Variants in USP25 observed in about 807,000 individuals in gnomAD.
USP25 encodes the protein ubiquitin carboxyl-terminal hydrolase 25.
In USP25, 85 loss-of-function variants were observed where a neutral mutation model predicts 158.5. The ratio of observed to expected loss-of-function variants is 0.54; its 90% confidence interval spans 0.45 to 0.64. USP25 has a LOEUF of 0.64. Ranked by LOEUF, USP25 falls within the 30% of genes least tolerant of loss-of-function variation. The pLI is 0.00. For missense variants in USP25, 1,242 were observed against 1,327.3 expected, an observed-to-expected ratio of 0.94 and a Z score of 1.00; for synonymous variants, 464 against 460.4, an observed-to-expected ratio of 1.01 and a Z score of -0.10.
intron 20 of USP25, among the ~76,000 whole-genome samples, chr21:15,850,105 A>G (rs2038816161): frequency 6.6e-6 from 1 of 152,026 alleles, no homozygotes; most frequent in Admixed American, 6.6e-5. Context: ...GAGTCACTCT[A>G]ATAGTGTGCT....
At chr21:15,878,088 C>A in intron 25 of USP25, 97 bp downstream of exon 25, 1 of 1,060,914 alleles carries the variant, frequency 9.4e-7, no homozygotes, top group Non-Finnish European at 1.3e-6. Flanking sequence ...ATATTAAATA[C>A]AATATTAAGT....
chr21:15,795,947 G>A (rs868633332), intron 5 of USP25, among the ~76,000 whole-genome samples: 1 of 151,344 alleles, frequency 6.6e-6, no homozygotes, highest in Non-Finnish European at 1.5e-5. Flanking sequence ...GGCAGTTTAT[G>A]TTTCATTTCC....
In USP25 at chr21:15,877,884, T is replaced by C; in HGVS notation, c.3098T>C (p.Val1033Ala). The change falls in exon 25 of 26, where the codon GTC (valine) becomes GCC (alanine). Residue 1033 changes from valine to alanine, a missense_variant. By Grantham distance (64) the Val-to-Ala change is moderately conservative. Around this residue, in one of 3 missense-constraint regions of USP25, gnomAD observed 608 missense variants for 605.2 expected, o/e 1.00. Transcript: ENST00000400183. ...TTGATTATCATGAATGAGTTTATTG[T>C]CCCATTTTTGCCATTATTACTGGTG... ...NGLIIMNEFI[V>A]PFLPLLLVDE... 1 of 1,613,470 alleles carries C rather than the reference T, an allele frequency of 6.2e-7. No individual in the cohort carries two copies. The highest frequency in any genetic ancestry group is 8.5e-7 in the Non-Finnish European group (1 of 1,179,572).
chr21:15,872,594 A>G (rs937989165), intron 23 of USP25, among the ~76,000 whole-genome samples: 2 of 152,234 alleles, frequency 1.3e-5, no homozygotes, highest in African/African-American at 4.8e-5. Flanking sequence ...TTTTTCATAA[A>G]TAACATCTTT....
intron 1 of USP25, among the ~76,000 whole-genome samples, chr21:15,731,375 G>C (rs2030880489): frequency 6.6e-6 from 1 of 152,168 alleles, no homozygotes; most frequent in Non-Finnish European, 1.5e-5. Flanking sequence ...TACGGGGACA[G>C]TTAGGGTTTA....
rs928098015 is a variant in USP25, at chr21:15,875,845, A to G, written c.3009+1319A>G. Among the ~76,000 whole-genome samples the G allele has an allele frequency of 1.3e-4, 20 of 152,214 alleles. No homozygotes were observed. Among genetic ancestry groups the G allele is most frequent in the African/African-American group, 4.6e-4 (19 of 41,470 alleles). ...ATGAGTTTGCACCAGTGTAAGTTTG[A>G]TTAGGTTTGGCATAATGAGGTTTGT... On this transcript the variant is annotated intron_variant, in intron 24 of 25. Coordinates refer to ENST00000400183, the MANE Select transcript of USP25 (RefSeq NM_001283041.3). This position sits in a 1 kb window ranked among gnomAD's most constrained non-coding sequence, Gnocchi z 4.7.
At chr21:15,853,239 A>G (rs947295090) in intron 20 of USP25, among the ~76,000 whole-genome samples, 1 of 152,160 alleles carries the variant, frequency 6.6e-6, no homozygotes, top group Non-Finnish European at 1.5e-5. Flanking sequence ...TAAAGTTTAG[A>G]CAGTATCACA....
At position 15,766,736 on chromosome 21, in the gene USP25, A is replaced by T. The variant is rs148081739; in HGVS notation, c.268+595A>T. Among the ~76,000 whole-genome samples, 413 of 152,208 alleles carry T rather than the reference A, an allele frequency of 2.7e-3. 2 individuals are homozygous for T. Among genetic ancestry groups the T allele is most frequent in the African/African-American group, 9.6e-3 (399 of 41,568 alleles). On this transcript the variant is annotated intron_variant, in intron 3 of 25. Coordinates refer to ENST00000400183, the MANE Select transcript of USP25 (RefSeq NM_001283041.3). The surrounding 1 kb of genome is among the most constrained non-coding windows in gnomAD (Gnocchi z 4.0). ...TTCATAATATGAATACTTTATACTT[A>T]TGTAGCGCACAGTTTTTCAAACTAT...
intron 1 of USP25, among the ~76,000 whole-genome samples, chr21:15,743,799 C>T (rs573700224): frequency 8.5e-5 from 13 of 152,146 alleles, no homozygotes; most frequent in African/African-American, 1.9e-4. Context: ...TCTACTGTGG[C>T]GCCTGCCTAG....
At chr21:15,773,603 A>T (rs1024030683) in intron 3 of USP25, among the ~76,000 whole-genome samples, 15 of 152,024 alleles carry the variant, frequency 9.9e-5, no homozygotes, top group African/African-American at 3.4e-4. Context: ...AAAGAAAACC[A>T]TTTTCAATTA....
At chr21:15,780,021 G>A (rs1418753787) in intron 4 of USP25, among the ~76,000 whole-genome samples, 1 of 151,942 alleles carries the variant, frequency 6.6e-6, no homozygotes, top group Non-Finnish European at 1.5e-5. Context: ...TGCTCATATG[G>A]GTTTATTAAG....
intron 4 of USP25, among the ~76,000 whole-genome samples, chr21:15,781,155 C>T (rs184710693): frequency 3.9e-4 from 60 of 152,296 alleles, no homozygotes; most frequent in African/African-American, 1.3e-3. Flanking sequence ...TCGATGTAGT[C>T]AGGCTGTCCG....
rs965517359 is a variant in USP25 at position 15,760,391 on chromosome 21, T to C, written c.46-2500T>C. Among the ~76,000 whole-genome samples, 50 of 152,326 alleles carry C rather than the reference T, an allele frequency of 3.3e-4. 1 individual carries two copies. The highest frequency in any genetic ancestry group is 1.2e-3 in the African/African-American group (48 of 41,562). ...TCCACTTTAAAGACTTGATGTTGGG[T>C]GTCCCTACTAGGTCTGGACTGCCCA... On this transcript the variant is annotated intron_variant, in intron 1 of 25. Coordinates refer to ENST00000400183, the MANE Select transcript of USP25 (RefSeq NM_001283041.3).
intron 22 of USP25, among the ~76,000 whole-genome samples, chr21:15,868,386 T>G (rs2039745967): frequency 6.6e-6 from 1 of 152,202 alleles, no homozygotes; most frequent in Non-Finnish European, 1.5e-5. Context: ...GATTGAGAGC[T>G]CTTCCCTTGT....
chr21:15,743,047 C>G (rs1025430443), intron 1 of USP25, among the ~76,000 whole-genome samples: 2 of 152,218 alleles, frequency 1.3e-5, no homozygotes, highest in African/African-American at 4.8e-5. Flanking sequence ...TCTGAGCCAC[C>G]AGGGAATGCC....
intron 3 of USP25, 105 bp from the exon 4 acceptor site, chr21:15,777,799 G>T: frequency 1.0e-6 from 1 of 980,110 alleles, no homozygotes; most frequent in Non-Finnish European, 1.4e-6. Flanking sequence ...AAAATTAGTT[G>T]GTACTGACTG....
rs1034313273 is a variant in USP25, at chr21:15,816,900, G to A, written c.932-1798G>A. Among the ~76,000 whole-genome samples, 2 of 152,112 alleles carry A rather than the reference G, an allele frequency of 1.3e-5. No homozygotes were observed. The highest frequency in any genetic ancestry group is 4.8e-5 in the African/African-American group (2 of 41,416). On this transcript the variant is annotated intron_variant, in intron 9 of 25. Coordinates refer to ENST00000400183, the MANE Select transcript of USP25 (RefSeq NM_001283041.3). This position sits in a 1 kb window ranked among gnomAD's most constrained non-coding sequence, Gnocchi z 4.0. ...TAATCCCAGCACTTTGGGAGGCTGA[G>A]GCAGGTGGATCACTTGAGGTCAGGA...
chr21:15,777,662 C>T (rs910353877), intron 3 of USP25, among the ~76,000 whole-genome samples: 1 of 152,096 alleles, frequency 6.6e-6, no homozygotes, highest in Non-Finnish European at 1.5e-5. Context: ...TACAGAGATT[C>T]TTCTACAGTG....
intron 1 of USP25, among the ~76,000 whole-genome samples, chr21:15,735,737 T>C (rs78289142): frequency 0.076 from 11,594 of 152,232 alleles, 499 homozygotes; most frequent in East Asian, 0.099. Context: ...AAAAATTAGA[T>C]AGCGTTCAAC....
Sources: allele counts gnomAD v4.1 joint callset (sites outside exome capture counted in the v4.1 genomes callset), GRCh38; gene constraint gnomAD v4.1.1; regional missense constraint gnomAD v4.1.1; non-coding constraint Gnocchi (gnomAD v3.1); transcripts MANE v1.5; gene names NCBI Gene and HGNC (gene_info 2026-07-23, HGNC 2026-07-21).